The following KCNIP4 variants were observed in gnomAD, a reference collection of about 807,000 sequenced individuals.
KCNIP4 encodes the protein Kv channel-interacting protein 4.
Under a neutral mutation model 34.0 loss-of-function variants are expected in KCNIP4, and 12 were observed. The observed-to-expected ratio is 0.35, with a 90% CI of 0.23 to 0.57. The LOEUF is 0.57. KCNIP4 is among the 20% of genes least tolerant of loss of function. The probability of loss-of-function intolerance (pLI) is 0.83; values close to 1 mark genes in which losing one functional copy is unlikely to be tolerated. For synonymous variants in KCNIP4, 124 were observed against 102.2 expected (o/e 1.21, Z -1.29); for missense variants, 238 against 311.7 (o/e 0.76, Z 1.78).
intron 1 of KCNIP4, among the ~76,000 whole-genome samples, chr4:21,664,143 T>C (rs1317835249): frequency 6.6e-6 from 1 of 152,066 alleles, no homozygotes; most frequent in Non-Finnish European, 1.5e-5. Context: ...AGAGACAGGT[T>C]TCACCATGTT....
intron 1 of KCNIP4, among the ~76,000 whole-genome samples, chr4:20,989,952 G>T (rs1368790533): frequency 6.6e-6 from 1 of 152,154 alleles, no homozygotes; most frequent in Admixed American, 6.5e-5. Flanking sequence ...ATGAGACCCT[G>T]TCTCAAAAAC....
intron 1 of KCNIP4, among the ~76,000 whole-genome samples, chr4:21,321,604 G>C (rs990345962): frequency 4.6e-5 from 7 of 151,678 alleles, no homozygotes; most frequent in Admixed American, 3.3e-4. Context: ...GGAAGAGGGA[G>C]AAGAAGGGAG....
At chr4:21,939,093 A>T (rs908494120) in intron 1 of KCNIP4, among the ~76,000 whole-genome samples, 1 of 152,180 alleles carries the variant, frequency 6.6e-6, no homozygotes, top group Non-Finnish European at 1.5e-5. Context: ...CAGGGATCCA[A>T]GGATAAATAA....
At chr4:21,060,901 T>C (rs766225555) in intron 1 of KCNIP4, among the ~76,000 whole-genome samples, 2 of 152,290 alleles carry the variant, frequency 1.3e-5, no homozygotes, top group Non-Finnish European at 1.5e-5. Context: ...CCTTAAAGTA[T>C]ATTGAAAGCG....
chr4:21,545,532 C>G (rs1738072109), intron 1 of KCNIP4, among the ~76,000 whole-genome samples: 1 of 152,144 alleles, frequency 6.6e-6, no homozygotes, highest in African/African-American at 2.4e-5. Context: ...CTCTCCCTCC[C>G]CTAGCCCCCA....
rs892107200 is a variant in KCNIP4 at position 20,729,432 on chromosome 4, A to G, written c.*650T>C. The G allele has an allele frequency of 6.6e-6, 1 of 151,782 alleles. No individual in the cohort carries two copies. The highest frequency in any genetic ancestry group is 6.6e-5 in the Admixed American group (1 of 15,170). The allele number at this position is 151,782 out of a possible 1,614,324, so 9.4% of individuals were successfully genotyped here. On this transcript the variant is annotated 3_prime_UTR_variant, in exon 9 of 9. Coordinates refer to ENST00000382152, the MANE Select transcript of KCNIP4 (RefSeq NM_025221.6). ...TATGGAAAATTAAATGCTTATTAAA[A>G]TAAGTTTTATTAGGCATATGCTGAT...
chr4:21,942,705 C>T (rs1250901795), intron 1 of KCNIP4, among the ~76,000 whole-genome samples: 6 of 152,308 alleles, frequency 3.9e-5, no homozygotes, highest in Admixed American at 1.3e-4. Flanking sequence ...CATGGGACAA[C>T]GTGATTTAAT....
chr4:21,604,336 T>G (rs916121904), intron 1 of KCNIP4, among the ~76,000 whole-genome samples: 1 of 152,164 alleles, frequency 6.6e-6, no homozygotes, highest in African/African-American at 2.4e-5. Context: ...TATCCATTTA[T>G]AGATAAAGAA....
intron 1 of KCNIP4, among the ~76,000 whole-genome samples, chr4:21,012,247 T>G (rs1223794364): frequency 6.6e-6 from 1 of 152,014 alleles, no homozygotes; most frequent in Non-Finnish European, 1.5e-5. Flanking sequence ...TAATCTAGGC[T>G]CTCCCAGGGA....
chr4:21,178,504 C>A (rs1754602861), intron 1 of KCNIP4, among the ~76,000 whole-genome samples: 1 of 146,286 alleles, frequency 6.8e-6, no homozygotes, highest in South Asian at 2.1e-4. Flanking sequence ...GGTATAGTAA[C>A]CATGTGTCCA....
intron 1 of KCNIP4, among the ~76,000 whole-genome samples, chr4:21,113,340 T>C (rs1749390426): frequency 6.6e-6 from 1 of 151,938 alleles, no homozygotes; most frequent in African/African-American, 2.4e-5. Context: ...CATTTTCTTG[T>C]CCACTTCAAG....
intron 1 of KCNIP4, among the ~76,000 whole-genome samples, chr4:21,320,228 A>T (rs1449654211): frequency 6.6e-6 from 1 of 152,236 alleles, no homozygotes; most frequent in Non-Finnish European, 1.5e-5. Flanking sequence ...GCAGATAAGC[A>T]GAGTTTGGAG....
At chr4:21,892,550 T>TAA (rs35105632) in intron 1 of KCNIP4, among the ~76,000 whole-genome samples, 13,670 of 126,294 alleles carry the variant, frequency 0.11, 2,081 homozygotes, top group African/African-American at 0.35. Flanking sequence ...AGCAAAAAAG[T>TAA]AAAAAAAAAA....
chr4:21,128,082 C>T (rs747095733), intron 1 of KCNIP4, among the ~76,000 whole-genome samples: 30 of 152,184 alleles, frequency 2.0e-4, no homozygotes, highest in Non-Finnish European at 3.7e-4. Flanking sequence ...CCTTCAAGTG[C>T]TTGACTTAAT....
chr4:21,457,309 T>C (rs1729036111), intron 1 of KCNIP4, among the ~76,000 whole-genome samples: 1 of 152,052 alleles, frequency 6.6e-6, no homozygotes. Flanking sequence ...TGTTGGCGGC[T>C]TGCTGGCCCT....
Position 20,730,078 on chromosome 4 carries a change from C to CA in KCNIP4, c.*3dup, listed in dbSNP as rs1482194952. 2 of 1,606,954 alleles carry CA rather than the reference C, an allele frequency of 1.2e-6. No individual in the cohort carries two copies. The highest frequency in any genetic ancestry group is 1.1e-5 in the South Asian group (1 of 89,722). On this transcript the variant is annotated 3_prime_UTR_variant, in exon 9 of 9. Transcript: ENST00000382152. Reference sequence around the variant, plus strand: ...TCTGTTGGATTCAGGATCTATTTGACAAGTTAAATCACATTTTCAAAGAGC... The same window carrying CA: ...TCTGTTGGATTCAGGATCTATTTGACAAAGTTAAATCACATTTTCAAAGAGC...
At chr4:21,081,886 G>C (rs1205799626) in intron 1 of KCNIP4, among the ~76,000 whole-genome samples, 2 of 151,670 alleles carry the variant, frequency 1.3e-5, no homozygotes, top group Non-Finnish European at 2.9e-5. Flanking sequence ...AATCTTTCAA[G>C]ATACCATCTA....
chr4:21,255,470 A>G (rs986932555), intron 1 of KCNIP4, among the ~76,000 whole-genome samples: 3 of 152,044 alleles, frequency 2.0e-5, no homozygotes, highest in African/African-American at 7.2e-5. Context: ...TCCATTTGTC[A>G]ATGTTCAGTT....
At chr4:21,220,517 C>T (rs1757913697) in intron 1 of KCNIP4, among the ~76,000 whole-genome samples, 1 of 151,958 alleles carries the variant, frequency 6.6e-6, no homozygotes, top group African/African-American at 2.4e-5. Flanking sequence ...ATGTAACAAA[C>T]CTGCACGTTG....
Sources: gnomAD v4.1 joint callset for allele counts (sites outside exome capture counted in the v4.1 genomes callset) on GRCh38, gnomAD v4.1.1 for gene constraint, MANE v1.5 for transcripts, NCBI Gene and HGNC (gene_info 2026-07-23, HGNC 2026-07-21) for gene names.